The following CCDC171 variants were observed in gnomAD, a reference collection of about 807,000 sequenced individuals.
The protein encoded by CCDC171 is coiled-coil domain-containing protein 171.
A neutral mutation model predicts 168.2 loss-of-function variants in CCDC171; 177 were observed. The ratio of observed to expected loss-of-function variants is 1.05; its 90% CI spans 0.93 to 1.19. The LOEUF is 1.19. Ranked by LOEUF, CCDC171 falls within the 50% of genes most tolerant of loss-of-function variation. CCDC171 has a pLI of 0.00. For missense variants in CCDC171, 1,991 were observed against 1,539.0 expected (o/e 1.29, Z -4.91); for synonymous variants, 687 against 540.8 (o/e 1.27, Z -3.75).
At chr9:16,055,045 G>A (rs572873458) in intron 1 of CCDC171, among the ~76,000 whole-genome samples, 8 of 152,332 alleles carry the variant, frequency 5.3e-5, no homozygotes, top group African/African-American at 1.7e-4. Context: ...TGTCGGGCTG[G>A]TGGAGGTGGG....
chr9:15,738,885 C>G (rs548291857), intron 16 of CCDC171, among the ~76,000 whole-genome samples: 47 of 152,152 alleles, frequency 3.1e-4, no homozygotes, highest in African/African-American at 1.1e-3. Flanking sequence ...GGCATTTATT[C>G]AGTGTCTATT....
intron 3 of CCDC171, among the ~76,000 whole-genome samples, chr9:16,007,001 C>T (rs1386669380): frequency 3.3e-5 from 5 of 152,136 alleles, no homozygotes; most frequent in Non-Finnish European, 4.4e-5. Context: ...CCTGAGGAAT[C>T]GCCACACTGA....
chr9:16,011,330 C>A (rs1654225021), intron 3 of CCDC171, among the ~76,000 whole-genome samples: 1 of 152,024 alleles, frequency 6.6e-6, no homozygotes, highest in African/African-American at 2.4e-5. Flanking sequence ...CATTTAGGAA[C>A]AATGCAGGAA....
chr9:16,074,669 G>T, the CCDC171 span, among the ~76,000 whole-genome samples: 1 of 152,124 alleles, frequency 6.6e-6, no homozygotes, highest in African/African-American at 2.4e-5. Context: ...GATAAGTAGT[G>T]GTTATTTAGG....
intron 23 of CCDC171, among the ~76,000 whole-genome samples, chr9:15,866,789 C>G (rs1234835205): frequency 6.6e-6 from 1 of 151,962 alleles, no homozygotes; most frequent in East Asian, 1.9e-4. Flanking sequence ...ATTAATTATG[C>G]TACTAGAGTT....
intron 24 of CCDC171, among the ~76,000 whole-genome samples, chr9:15,915,992 T>A (rs984445832): frequency 6.6e-6 from 1 of 152,184 alleles, no homozygotes; most frequent in African/African-American, 2.4e-5. Context: ...ATCTTTTTGA[T>A]GTGCTGTTGG....
chr9:16,073,551 A>G, the CCDC171 span, among the ~76,000 whole-genome samples: 3 of 151,980 alleles, frequency 2.0e-5, no homozygotes, highest in African/African-American at 7.3e-5. Context: ...GGTCTCTTCC[A>G]TTTAGGTTAG....
At chr9:15,950,293 G>A (rs544359393) in intron 25 of CCDC171, among the ~76,000 whole-genome samples, 7 of 152,010 alleles carry the variant, frequency 4.6e-5, no homozygotes, top group South Asian at 2.1e-4. Context: ...GATACTCCTC[G>A]AGAAGAGCAA....
intron 24 of CCDC171, among the ~76,000 whole-genome samples, chr9:15,903,592 A>C (rs1822043974): frequency 6.6e-6 from 1 of 152,188 alleles, no homozygotes; most frequent in South Asian, 2.1e-4. Context: ...CAGAGCAGAA[A>C]AACTGGAAAC....
intron 1 of CCDC171, among the ~76,000 whole-genome samples, chr9:16,048,682 G>A (rs1250444514): frequency 6.6e-6 from 1 of 150,932 alleles, no homozygotes; most frequent in East Asian, 1.9e-4. Context: ...TTTTTTGAAA[G>A]TAAAGAAATA....
rs776966147 is a variant in CCDC171 at position 15,641,580 on chromosome 9, C to G, written c.823-15547C>G. On this transcript the variant is annotated intron_variant, in intron 7 of 25. Transcript: ENST00000380701. ...AGTTCTGCTGCTGAATTGGAGTCTT[C>G]AGCTCATTCCTGGTTTATAATAAAG... Among the ~76,000 whole-genome samples the G allele has an allele frequency of 2.9e-4, 44 of 152,138 alleles. 1 individual carries two copies. Among genetic ancestry groups the G allele is most frequent in the Admixed American group, 1.2e-3 (18 of 15,266 alleles).
intron 3 of CCDC171, among the ~76,000 whole-genome samples, chr9:15,578,191 A>T (rs962909576): frequency 6.6e-6 from 1 of 151,368 alleles, no homozygotes; most frequent in African/African-American, 2.4e-5. Flanking sequence ...AGTATGTATC[A>T]TGCATTTTTT....
chr9:15,571,678 G>T lies in CCDC171; in HGVS notation c.96G>T (p.Leu32Phe). Reference sequence around the variant, plus strand: ...AAATACTTAAAAATGAAACAGAGTTGGATATTACTGATAATCTCAGGAAGA... The same window carrying T: ...AAATACTTAAAAATGAAACAGAGTTTGATATTACTGATAATCTCAGGAAGA... ...VKQILKNETE[L>F]DITDNLRKKL... Residue 32 changes from leucine to phenylalanine, a missense_variant, in exon 3 of 26, where the codon TTG (leucine) becomes TTT (phenylalanine). By Grantham distance (22) the Leu-to-Phe change is conservative. Transcript: ENST00000380701. 3 of 1,575,944 alleles carry T rather than the reference G, an allele frequency of 1.9e-6. No homozygotes were observed. The highest frequency in any genetic ancestry group is 2.3e-5 in the East Asian group (1 of 42,948).
chr9:15,649,223 C>A (rs1337869961), intron 7 of CCDC171, among the ~76,000 whole-genome samples: 1 of 152,122 alleles, frequency 6.6e-6, no homozygotes, highest in Admixed American at 6.5e-5. Context: ...GGATTCCTTC[C>A]TTACACCTTA....
chr9:15,854,303 C>A (rs554484497), intron 23 of CCDC171, among the ~76,000 whole-genome samples: 1 of 151,170 alleles, frequency 6.6e-6, no homozygotes, highest in Non-Finnish European at 1.5e-5. Flanking sequence ...TTTTGTGTTT[C>A]TTTTTCAGTC....
At chr9:16,003,902 G>A (rs1362695919) in intron 3 of CCDC171, among the ~76,000 whole-genome samples, 1 of 152,226 alleles carries the variant, frequency 6.6e-6, no homozygotes, top group Non-Finnish European at 1.5e-5. Flanking sequence ...GTGGACAGAA[G>A]CTGAAGAGGT....
chr9:16,053,898 T>C (rs144218601), intron 1 of CCDC171, among the ~76,000 whole-genome samples: 11 of 152,354 alleles, frequency 7.2e-5, no homozygotes, highest in African/African-American at 2.4e-4. Context: ...CCATGCTGCC[T>C]GTCACCTCAG....
At chr9:15,560,787 G>T (rs182751755) in intron 1 of CCDC171, among the ~76,000 whole-genome samples, 1 of 152,088 alleles carries the variant, frequency 6.6e-6, no homozygotes, top group Admixed American at 6.6e-5. Flanking sequence ...GAGGAGCTGC[G>T]TTCTTTTGGA....
chr9:15,623,499 A>ACACC, intron 7 of CCDC171, 86 bp downstream of exon 7: 1 of 677,820 alleles, frequency 1.5e-6, no homozygotes, highest in Non-Finnish European at 2.3e-6. Flanking sequence ...ACACACACAC[A>ACACC]CACACACATA....
Sources: gnomAD v4.1 joint callset for allele counts (sites outside exome capture counted in the v4.1 genomes callset) on GRCh38, gnomAD v4.1.1 for gene constraint, MANE v1.5 for transcripts, NCBI Gene and HGNC (gene_info 2026-07-23, HGNC 2026-07-21) for gene names.